The following PRRC2B variants were observed in gnomAD, a reference collection of about 807,000 sequenced individuals.
The protein encoded by PRRC2B is proline rich coiled-coil 2B.
In PRRC2B, 68 loss-of-function variants were observed where a neutral mutation model predicts 242.3. The observed-to-expected ratio is 0.28, with a 90% CI of 0.23 to 0.34. The LOEUF (loss-of-function observed/expected upper bound fraction) is 0.34. Among genes scored for constraint, PRRC2B ranks in the 10% least tolerant of loss-of-function variants. The pLI is 1.00. For synonymous variants in PRRC2B, 1,228 were observed against 1,173.6 expected, an observed-to-expected ratio of 1.05 and a Z score of -0.95; for missense variants, 2,835 against 2,954.8, an observed-to-expected ratio of 0.96 and a Z score of 0.94.
rs184006183 is a variant in PRRC2B at position 131,446,450 on chromosome 9, G to A, written c.663G>A (p.Thr221=). 90 of 1,613,636 alleles carry A rather than the reference G, an allele frequency of 5.6e-5. No homozygotes were observed. Among genetic ancestry groups the A allele is most frequent in the Admixed American group, 2.2e-4 (13 of 59,962 alleles). The change falls in exon 7 of 32, where the codon ACG becomes ACA. Residue 221 remains threonine (T), a synonymous_variant. Coordinates refer to ENST00000683519, the MANE Select transcript of PRRC2B (RefSeq NM_013318.4). This position sits in a 1 kb window ranked among gnomAD's most constrained non-coding sequence, Gnocchi z 4.1. ...GTGGGCGACACATAATTTCTGCCAC[G>A]TCTCTGAGCACCTCCCCAACTGAGC... The part of the protein sequence containing the change: ...EGGGRHIISA[T]SLSTSPTELG...
In PRRC2B at chr9:131,475,731, T is replaced by G; in HGVS notation, c.3602T>G (p.Phe1201Cys). ...LDAKSRGPRA[F>C]GRALPPRLSN... ...GCCAAGAGCCGAGGCCCTCGGGCCT[T>G]TGGGCGAGCCCTCCCTCCCCGGCTG... The change falls in exon 16 of 32, where the codon TTT (phenylalanine) becomes TGT (cysteine). Residue 1201 changes from phenylalanine (F) to cysteine (C), a missense_variant. Transcript: ENST00000683519. The G allele has an allele frequency of 7.4e-6, 12 of 1,613,334 alleles. No individual in the cohort carries two copies. Among genetic ancestry groups the G allele is most frequent in the Non-Finnish European group, 1.0e-5 (12 of 1,179,724 alleles).
rs767581375 is a variant in PRRC2B at position 131,475,457 on chromosome 9, C to T, written c.3328C>T (p.Arg1110Trp). Residue 1110 changes from arginine to tryptophan, a missense_variant, in exon 16 of 32, where the codon CGG (arginine) becomes TGG (tryptophan). By Grantham distance (101) the Arg-to-Trp change is moderately radical (BLOSUM62 -3). Transcript: ENST00000683519. Reference protein sequence around the residue: ...YCSSQRSGRGRGLREFARPED... With the variant: ...YCSSQRSGRGWGLREFARPED... ...CAGCAGTCAGCGCAGCGGCCGTGGCCGGGGCCTGCGAGAGTTTGCGCGGCC... is the reference window on the plus strand; with the variant it reads ...CAGCAGTCAGCGCAGCGGCCGTGGCTGGGGCCTGCGAGAGTTTGCGCGGCC... 2.2e-5 allele frequency: 35 copies of T among 1,584,284 alleles called. No individual in the cohort carries two copies. Among genetic ancestry groups the T allele is most frequent in the Admixed American group, 2.2e-4 (12 of 55,724 alleles).
At chr9:131,453,947 A>G (rs1942998200) in intron 9 of PRRC2B, among the ~76,000 whole-genome samples, 16 of 152,234 alleles carry the variant, frequency 1.1e-4, no homozygotes, top group Admixed American at 1.0e-3. Flanking sequence ...TATATTCACA[A>G]GGTTGTACAA....
intron 1 of PRRC2B, among the ~76,000 whole-genome samples, chr9:131,379,840 G>A (rs1434112449): frequency 6.6e-6 from 1 of 151,216 alleles, no homozygotes; most frequent in African/African-American, 2.4e-5. Flanking sequence ...TGGCTAGGCT[G>A]GCCTTTAACT....
chr9:131,456,642 A>G (rs1381882627), intron 10 of PRRC2B, among the ~76,000 whole-genome samples: 1 of 151,894 alleles, frequency 6.6e-6, no homozygotes, highest in African/African-American at 2.4e-5. Context: ...CACCTCAAAA[A>G]AAAAAAATAC....
intron 5 of PRRC2B, among the ~76,000 whole-genome samples, chr9:131,441,263 G>A (rs1838562262): frequency 6.6e-6 from 1 of 152,164 alleles, no homozygotes; most frequent in Non-Finnish European, 1.5e-5. Context: ...AGTCAGAAGG[G>A]GGCAAATGGG....
chr9:131,429,637 A>T (rs937778600), intron 1 of PRRC2B, among the ~76,000 whole-genome samples: 1 of 152,146 alleles, frequency 6.6e-6, no homozygotes. Flanking sequence ...CCTTGAGATG[A>T]ACAGCCGTGG....
intron 17 of PRRC2B, 56 bp from the exon 18 acceptor site, chr9:131,478,418 G>A: frequency 2.6e-6 from 4 of 1,568,056 alleles, no homozygotes; most frequent in South Asian, 1.1e-5. Flanking sequence ...GAATTGGGTT[G>A]TTCTTGTCTC....
At chr9:131,443,753 G>A (rs891771141) in intron 5 of PRRC2B, among the ~76,000 whole-genome samples, 6 of 152,166 alleles carry the variant, frequency 3.9e-5, no homozygotes, top group African/African-American at 1.2e-4. Flanking sequence ...TAATCCTTTT[G>A]GGGTGGACTG....
At position 131,484,301 on chromosome 9, in the gene PRRC2B, C is replaced by T. The variant is rs142454697; in HGVS notation, c.5461-385C>T. On this transcript the variant is annotated intron_variant, in intron 23 of 31. Coordinates refer to ENST00000683519, the MANE Select transcript of PRRC2B (RefSeq NM_013318.4). ...TCTGAACCAGATGTTTGTGTGCGGG[C>T]TGCCAGTCCATATTTATACTGCCGG... Among the ~76,000 whole-genome samples, 1,010 of 152,294 alleles carry T rather than the reference C, an allele frequency of 6.6e-3. 17 individuals are homozygous for T. Among genetic ancestry groups the T allele is most frequent in the African/African-American group, 0.023 (970 of 41,546 alleles).
At chr9:131,458,250 T>C (rs1288378117) in intron 10 of PRRC2B, among the ~76,000 whole-genome samples, 1 of 152,136 alleles carries the variant, frequency 6.6e-6, no homozygotes, top group Admixed American at 6.5e-5. Flanking sequence ...GGGAGGGAGA[T>C]GTACCAAAAG....
rs781127640 is a variant in PRRC2B, at chr9:131,491,478, CCAGTCTATT to C, written c.6283_6291del (p.Ser2095_Gln2097del). On this transcript the variant is annotated inframe_deletion, in exon 29 of 32. Transcript: ENST00000683519. ...CCGGGCAGCAGCCACTGATCCTGCCCCAGTCTATTCAGCTGCCACCTGGGCAGAGCCTCT... is the reference window on the plus strand; with the variant it reads ...CCGGGCAGCAGCCACTGATCCTGCCCCAGCTGCCACCTGGGCAGAGCCTCT... The C allele has an allele frequency of 5.0e-6, 8 of 1,612,412 alleles. No individual in the cohort carries two copies. In the Admixed American group the frequency reaches 1.2e-4, roughly 24 times the overall value.
Position 131,476,111 on chromosome 9 carries a change from C to T in PRRC2B, c.3982C>T (p.Pro1328Ser), listed in dbSNP as rs1434408704. 1 of 1,610,026 alleles carries T rather than the reference C, an allele frequency of 6.2e-7. No homozygotes were observed. Residue 1328 changes from proline (P) to serine (S), a missense_variant, in exon 16 of 32, where the codon CCC (proline) becomes TCC (serine). Around this residue, in one of 7 missense-constraint regions of PRRC2B, gnomAD observed 1,536 missense variants for 1,483.1 expected, o/e 1.04. Transcript: ENST00000683519. ...QERESLGLWG[P>S]EEEPHLLAGQ... ...GCGGGAGTCCCTGGGCCTGTGGGGACCCGAGGAGGAGCCCCACCTGCTGGC... is the reference window on the plus strand; with the variant it reads ...GCGGGAGTCCCTGGGCCTGTGGGGATCCGAGGAGGAGCCCCACCTGCTGGC...
chr9:131,448,752 C>T (rs573232776), intron 9 of PRRC2B, among the ~76,000 whole-genome samples: 2 of 151,878 alleles, frequency 1.3e-5, no homozygotes, highest in South Asian at 4.2e-4. Context: ...TATCTCCCCC[C>T]ACTCCCCATC....
upstream of PRRC2B, among the ~76,000 whole-genome samples, chr9:131,390,476 CTTTTTTTTTT>C (rs10688559): frequency 1.6e-3 from 66 of 41,212 alleles, 1 homozygote; most frequent in Admixed American, 3.5e-3. Context: ...CCTAGCTTGC[CTTTTTTTTTT>C]TTTTTTTTTT....
chr9:131,384,755 A>G (rs1216217581), intron 1 of PRRC2B, among the ~76,000 whole-genome samples: 7 of 151,932 alleles, frequency 4.6e-5, no homozygotes, highest in Non-Finnish European at 5.9e-5. Flanking sequence ...GGGTTTCACC[A>G]TGCTGATCAG....
rs1944055457 is a variant in PRRC2B at position 131,487,392 on chromosome 9, T to C, written c.5984+98T>C. 3 of 1,163,916 alleles carry C rather than the reference T, an allele frequency of 2.6e-6. No individual in the cohort carries two copies. The African/African-American group carries it at 4.7e-5, about 18-fold the overall frequency. The allele number at this position is 1,163,916 out of a possible 1,614,324, so 72.1% of individuals were successfully genotyped here. A position where few individuals can be genotyped will look rare whatever the true frequency, so the allele number is the denominator to read the frequency against. ...CTGCAGCTGTTTGGTGCTTGTCTGC[T>C]TTGGGGCCAGTGGGGCGGGGAGGGG... On this transcript the variant is annotated intron_variant, in intron 27 of 31. Coordinates refer to ENST00000683519, the MANE Select transcript of PRRC2B (RefSeq NM_013318.4). The surrounding 1 kb of genome is among the most constrained non-coding windows in gnomAD (Gnocchi z 5.3).
At chr9:131,453,749 T>G (rs1588260759) in intron 9 of PRRC2B, among the ~76,000 whole-genome samples, 1 of 152,168 alleles carries the variant, frequency 6.6e-6, no homozygotes, top group African/African-American at 2.4e-5. Flanking sequence ...CCCAGGCTGG[T>G]TCAAATTCTG....
intron 5 of PRRC2B, among the ~76,000 whole-genome samples, chr9:131,443,063 G>A (rs1398971033): frequency 1.3e-5 from 2 of 151,970 alleles, no homozygotes; most frequent in Non-Finnish European, 2.9e-5. Context: ...ATTTCCACCT[G>A]ATCTTACCAC....
Sources: gnomAD v4.1 joint callset for allele counts (sites outside exome capture counted in the v4.1 genomes callset) on GRCh38, gnomAD v4.1.1 for gene constraint, gnomAD v4.1.1 regional missense constraint, Gnocchi (gnomAD v3.1) non-coding constraint, MANE v1.5 for transcripts, NCBI Gene and HGNC (gene_info 2026-07-23, HGNC 2026-07-21) for gene names.